TPD52L1: variants seen among roughly 807,000 people sequenced by gnomAD.
TPD52L1 encodes tumor protein D53.
Under a neutral mutation model 28.7 loss-of-function variants are expected in TPD52L1, and 18 were observed. The observed-to-expected ratio is 0.63, with a 90% CI of 0.43 to 0.93. The LOEUF (loss-of-function observed/expected upper bound fraction) is 0.93. Ranked by LOEUF, TPD52L1 falls within the 40% of genes least tolerant of loss-of-function variation. TPD52L1 has a pLI of 0.00. For synonymous variants in TPD52L1, 75 were observed against 88.8 expected (o/e 0.84, Z 0.88); for missense variants, 203 against 254.8 (o/e 0.80, Z 1.39).
chr6:125,178,658 A>AACAAAACAAAACAAAACAAAAT (rs1163984998), intron 1 of TPD52L1, among the ~76,000 whole-genome samples: 1 of 148,000 alleles, frequency 6.8e-6, no homozygotes, highest in African/African-American at 2.5e-5. Flanking sequence ...AACAAAACAA[A>AACAAAACAAAACAAAACAAAAT]ATATATATAT....
At chr6:125,219,405 C>T (rs1468232514) in intron 1 of TPD52L1, among the ~76,000 whole-genome samples, 1 of 152,224 alleles carries the variant, frequency 6.6e-6, no homozygotes, top group Non-Finnish European at 1.5e-5. Flanking sequence ...GTGATGATTC[C>T]TCACAGCTCC....
intron 1 of TPD52L1, among the ~76,000 whole-genome samples, chr6:125,164,914 A>T (rs1790775964): frequency 6.6e-6 from 1 of 151,650 alleles, no homozygotes; most frequent in African/African-American, 2.4e-5. Flanking sequence ...TCTGTTGCGA[A>T]ATGTCCCCAA....
At chr6:125,179,742 T>C (rs540420066) in intron 1 of TPD52L1, among the ~76,000 whole-genome samples, 4 of 152,210 alleles carry the variant, frequency 2.6e-5, no homozygotes, top group African/African-American at 9.6e-5. Context: ...TCAATAGAAC[T>C]AACTAAATTC....
intron 6 of TPD52L1, chr6:125,260,882 AAAAAG>A: frequency 6.6e-6 from 1 of 150,410 alleles, no homozygotes; most frequent in East Asian, 2.0e-4. Context: ...AGAAAGAAAG[AAAAAG>A]AAAAGAGAGG....
intron 1 of TPD52L1, among the ~76,000 whole-genome samples, chr6:125,198,801 T>C (rs934661444): frequency 1.3e-5 from 2 of 152,110 alleles, no homozygotes; most frequent in African/African-American, 4.8e-5. Flanking sequence ...ACAGTGCTGA[T>C]TGCCACAACT....
At chr6:125,203,257 T>G (rs556010147) in intron 1 of TPD52L1, among the ~76,000 whole-genome samples, 2 of 152,322 alleles carry the variant, frequency 1.3e-5, no homozygotes, top group South Asian at 4.1e-4. Flanking sequence ...CAGAAGGAAG[T>G]TCCTGGAGCC....
At chr6:125,199,093 G>C (rs1404268461) in intron 1 of TPD52L1, among the ~76,000 whole-genome samples, 1 of 152,184 alleles carries the variant, frequency 6.6e-6, no homozygotes, top group Admixed American at 6.5e-5. Flanking sequence ...ACCTTGCTAT[G>C]AAACAAAATC....
chr6:125,220,947 A>C (rs946250879), intron 2 of TPD52L1, among the ~76,000 whole-genome samples: 3 of 152,202 alleles, frequency 2.0e-5, no homozygotes, highest in Non-Finnish European at 2.9e-5. Flanking sequence ...TTCCCTCTGC[A>C]TTCTGTGTCC....
intron 6 of TPD52L1, among the ~76,000 whole-genome samples, chr6:125,257,440 T>C (rs1797674210): frequency 6.6e-6 from 1 of 152,172 alleles, no homozygotes; most frequent in African/African-American, 2.4e-5. Flanking sequence ...CAAAAGTAGA[T>C]ATGTGAGAGA....
chr6:125,260,629 A>AC (rs1797856818), intron 6 of TPD52L1, among the ~76,000 whole-genome samples: 1 of 151,778 alleles, frequency 6.6e-6, no homozygotes, highest in Non-Finnish European at 1.5e-5. Flanking sequence ...ACGTGTTGAA[A>AC]CCCCATCTCT....
intron 1 of TPD52L1, among the ~76,000 whole-genome samples, chr6:125,166,224 C>G (rs890767651): frequency 6.6e-6 from 1 of 152,148 alleles, no homozygotes; most frequent in Non-Finnish European, 1.5e-5. Flanking sequence ...TTTAAAGTCT[C>G]TGATGGTTGG....
chr6:125,179,434 G>T (rs1430886208), intron 1 of TPD52L1, among the ~76,000 whole-genome samples: 6 of 152,178 alleles, frequency 3.9e-5, no homozygotes, highest in Non-Finnish European at 7.3e-5. Flanking sequence ...GTGTGAAAAG[G>T]AATTATAAGA....
At chr6:125,185,869 C>T (rs898286380) in intron 1 of TPD52L1, among the ~76,000 whole-genome samples, 1 of 150,656 alleles carries the variant, frequency 6.6e-6, no homozygotes, top group Admixed American at 6.6e-5. Flanking sequence ...ATAGAGAATA[C>T]CATGTATAAC....
chr6:125,261,177 A>T (rs901546707), intron 6 of TPD52L1: 9 of 152,098 alleles, frequency 5.9e-5, no homozygotes, highest in Non-Finnish European at 8.8e-5. Context: ...TAAAGTATTT[A>T]CTGTCTGGCC....
In TPD52L1 at chr6:125,212,783, G is replaced by T. The variant is rs144285256; in HGVS notation, c.20-7295G>T. On this transcript the variant is annotated intron_variant, in intron 1 of 6. Coordinates refer to ENST00000534000, the MANE Select transcript of TPD52L1 (RefSeq NM_003287.4). ...CAGTGAACATTGTGACTTCTCAGTT[G>T]GAGCTGGTTTAATTTGTGGTGTTGT... Among the ~76,000 whole-genome samples, 247 of 152,336 alleles carry T rather than the reference G, an allele frequency of 1.6e-3. 2 individuals are homozygous for T. The highest frequency in any genetic ancestry group is 4.9e-3 in the African/African-American group (202 of 41,582).
intron 1 of TPD52L1, among the ~76,000 whole-genome samples, chr6:125,189,215 C>T (rs188829433): frequency 6.6e-6 from 1 of 152,324 alleles, no homozygotes; most frequent in Admixed American, 6.5e-5. Flanking sequence ...CTAAGCAACA[C>T]TTAAGTATAT....
intron 2 of TPD52L1, among the ~76,000 whole-genome samples, chr6:125,226,490 T>C (rs1343927762): frequency 6.6e-6 from 1 of 152,056 alleles, no homozygotes; most frequent in Non-Finnish European, 1.5e-5. Context: ...AAATGAATAA[T>C]CCACAGCCCC....
intron 3 of TPD52L1, among the ~76,000 whole-genome samples, chr6:125,240,030 G>A (rs902156932): frequency 1.3e-5 from 2 of 152,008 alleles, no homozygotes; most frequent in East Asian, 1.9e-4. Context: ...ATCCAGTTTC[G>A]TTCTTCTACA....
chr6:125,256,584 A>G (rs957543645), intron 5 of TPD52L1, among the ~76,000 whole-genome samples: 11 of 152,268 alleles, frequency 7.2e-5, no homozygotes, highest in South Asian at 4.1e-4. Context: ...GAAAAAATAT[A>G]TGAACATTTT....
Sources: allele counts gnomAD v4.1 joint callset (sites outside exome capture counted in the v4.1 genomes callset), GRCh38; gene constraint gnomAD v4.1.1; transcripts MANE v1.5; gene names NCBI Gene and HGNC (gene_info 2026-07-23, HGNC 2026-07-21).